MARS1: variants seen among roughly 807,000 people sequenced by gnomAD.
MARS1 encodes methionine--tRNA ligase, cytoplasmic.
Under a neutral mutation model 119.5 loss-of-function variants are expected in MARS1, and 80 were observed. The ratio of observed to expected loss-of-function variants is 0.67; its 90% CI spans 0.56 to 0.81. MARS1 has a LOEUF of 0.81. MARS1 is among the 30% of genes least tolerant of loss of function. MARS1 has a pLI of 0.00. For missense variants in MARS1, 945 were observed against 1,116.5 expected (o/e 0.85, Z 2.19); for synonymous variants, 418 against 433.4 (o/e 0.96, Z 0.44).
intron 10 of MARS1, among the ~76,000 whole-genome samples, chr12:57,501,422 T>C (rs1224671190): frequency 6.6e-6 from 1 of 152,214 alleles, no homozygotes; most frequent in Non-Finnish European, 1.5e-5. Context: ...TGGTGGCTCA[T>C]ACCTATAATC....
chr12:57,516,520 AAC>A lies in MARS1; in HGVS notation c.2644_2645del (p.Gln882ValfsTer5). 1 of 1,613,020 alleles carries A rather than the reference AAC, an allele frequency of 6.2e-7. No individual in the cohort carries two copies. Among genetic ancestry groups the A allele is most frequent in the East Asian group, 2.2e-5 (1 of 44,880 alleles). ...GTGGCGAAACTCTTGGATCTAAAGA[AAC>A]AGTTGGCTGTAGCTGAGGGGAAACC... On this transcript the variant is annotated frameshift_variant, in exon 21 of 21. Transcript: ENST00000262027. LOFTEE classifies it high-confidence loss of function.
At chr12:57,489,645 A>G (rs960340199) in intron 4 of MARS1, 87 bp downstream of exon 4, 1 of 1,544,692 alleles carries the variant, frequency 6.5e-7, no homozygotes, top group African/African-American at 1.4e-5. Flanking sequence ...TTCGAACCCA[A>G]CACTGCCACT....
At position 57,511,705 on chromosome 12, in the gene MARS1, A is replaced by G; in HGVS notation, c.1376A>G (p.Lys459Arg). 1 of 1,614,186 alleles carries G rather than the reference A, an allele frequency of 6.2e-7. No homozygotes were observed. Among genetic ancestry groups the G allele is most frequent in the South Asian group, 1.1e-5 (1 of 91,082 alleles). The change falls in exon 12 of 21, where the codon AAG (lysine) becomes AGG (arginine). Residue 459 changes from lysine (K) to arginine (R), a missense_variant. Transcript: ENST00000262027. ...CTTTCTCCGTTATCTCAGCTGGAGA[A>G]GCGACTGGAGGAGTGGTTGGGGAGG... is the stretch of plus-strand genomic sequence containing the variant. ...HLFLDLPKLE[K>R]RLEEWLGRTL...
chr12:57,504,854 C>T (rs939233298), intron 11 of MARS1, among the ~76,000 whole-genome samples: 6 of 151,974 alleles, frequency 3.9e-5, no homozygotes, highest in Admixed American at 3.3e-4. Flanking sequence ...CAGGCGTCTG[C>T]CACCATGCCC....
Position 57,489,545 on chromosome 12 carries a change from C to A in MARS1, c.401C>A (p.Pro134His). 1 of 1,614,134 alleles carries A rather than the reference C, an allele frequency of 6.2e-7. No homozygotes were observed. The highest frequency in any genetic ancestry group is 8.5e-7 in the Non-Finnish European group (1 of 1,180,018). Residue 134 changes from proline (P) to histidine (H), a missense_variant, in exon 4 of 21, where the codon CCT becomes CAT. Transcript: ENST00000262027. ...CACAGCTTGAGTCGTCAGAACTGTC[C>A]TTTCCTGGCTGGGGTGAGTTGGGTC... ...IDHSLSRQNCPFLAGETESLA... is the reference protein window; with the variant it reads ...IDHSLSRQNCHFLAGETESLA...
At chr12:57,515,816 C>A in intron 18 of MARS1, 104 bp from the exon 19 acceptor site, 1 of 849,676 alleles carries the variant, frequency 1.2e-6, no homozygotes. Context: ...TAAGCTCGTT[C>A]TTTCTAAAAC....
chr12:57,515,409 C>T, intron 18 of MARS1, 73 bp downstream of exon 18: 1 of 1,410,810 alleles, frequency 7.1e-7, no homozygotes, highest in Non-Finnish European at 9.7e-7. Context: ...TGAGAGAAGA[C>T]CTAACATCTC....
At chr12:57,500,902 T>A (rs1347195745) in intron 10 of MARS1, among the ~76,000 whole-genome samples, 1 of 152,232 alleles carries the variant, frequency 6.6e-6, no homozygotes, top group Non-Finnish European at 1.5e-5. Context: ...ATAGGCCAAT[T>A]ACAATTCTGC....
At chr12:57,513,368 C>T (rs1181605379) in intron 15 of MARS1, among the ~76,000 whole-genome samples, 1 of 152,018 alleles carries the variant, frequency 6.6e-6, no homozygotes, top group Non-Finnish European at 1.5e-5. Flanking sequence ...TTTGTAATCC[C>T]AGCACTTTGG....
chr12:57,493,815 T>TAATATAAA (rs1565641240), intron 7 of MARS1, among the ~76,000 whole-genome samples: 2 of 1,076 alleles, frequency 1.9e-3, no homozygotes, highest in Non-Finnish European at 6.0e-3. Context: ...ATAATGTATA[T>TAATATAAA]TATATATATT....
At chr12:57,509,939 T>C (rs1009593442) in intron 11 of MARS1, among the ~76,000 whole-genome samples, 2 of 152,184 alleles carry the variant, frequency 1.3e-5, no homozygotes, top group African/African-American at 4.8e-5. Context: ...AAATAACCTA[T>C]TAAAAAGAGT....
At position 57,489,606 on chromosome 12, in the gene MARS1, G is replaced by A. The variant is rs773839093; in HGVS notation, c.414+48G>A. On this transcript the variant is annotated intron_variant, in intron 4 of 20. Coordinates refer to ENST00000262027, the MANE Select transcript of MARS1 (RefSeq NM_004990.4). ...GACTGGGGAAGGCTTATGGTGTAAG[G>A]ATTAAGAGGGAAGACTGTATTCAGA... 5 of 1,610,630 alleles carry A rather than the reference G, an allele frequency of 3.1e-6. No homozygotes were observed. The South Asian group carries it at 5.5e-5, about 18-fold the overall frequency.
In MARS1 at chr12:57,516,619, G is replaced by A. The variant is rs750559974; in HGVS notation, c.*38G>A. 1.3e-6 allele frequency: 2 copies of A among 1,542,818 alleles called. No homozygotes were observed. Among genetic ancestry groups the A allele is most frequent in the Non-Finnish European group, 8.7e-7 (1 of 1,150,810 alleles). On this transcript the variant is annotated 3_prime_UTR_variant, in exon 21 of 21. Coordinates refer to ENST00000262027, the MANE Select transcript of MARS1 (RefSeq NM_004990.4). ...CATAGAAAGTCACTTTAATAGATAG[G>A]GACAGTAATAAATAAATGTACAATC...
intron 10 of MARS1, 122 bp from the exon 11 acceptor site, chr12:57,504,103 T>G: frequency 1.4e-6 from 1 of 692,910 alleles, no homozygotes; most frequent in East Asian, 2.6e-5. Flanking sequence ...GTTATTGGAG[T>G]GTGAGCCTGA....
intron 11 of MARS1, among the ~76,000 whole-genome samples, chr12:57,505,577 G>A (rs1594825986): frequency 6.6e-6 from 1 of 152,182 alleles, no homozygotes; most frequent in East Asian, 1.9e-4. Flanking sequence ...TTAGGAGGCT[G>A]AGGTGGGAGG....
In MARS1 at chr12:57,489,116, A is replaced by G. The variant is rs186139755; in HGVS notation, c.200+7A>G. 17 of 1,613,556 alleles carry G rather than the reference A, an allele frequency of 1.1e-5. No homozygotes were observed. The highest frequency in any genetic ancestry group is 1.4e-5 in the Non-Finnish European group (16 of 1,179,724). On this transcript the variant is annotated splice_region_variant and intron_variant, in intron 2 of 20. Transcript: ENST00000262027. ...CCACTAGTGCAATCTGCCGGTCAGTATTGGTCCTTGGTGTAGGGAGGTGGC... is the reference window on the plus strand; with the variant it reads ...CCACTAGTGCAATCTGCCGGTCAGTGTTGGTCCTTGGTGTAGGGAGGTGGC...
chr12:57,493,974 T>A (rs1261162606), intron 7 of MARS1, among the ~76,000 whole-genome samples: 1 of 118,300 alleles, frequency 8.5e-6, no homozygotes, highest in African/African-American at 3.3e-5. Context: ...TTTTTTTTTT[T>A]AGACAGAGTT....
chr12:57,492,900 G>A (rs1030992306), intron 7 of MARS1, among the ~76,000 whole-genome samples: 1 of 152,170 alleles, frequency 6.6e-6, no homozygotes, highest in South Asian at 2.1e-4. Context: ...GGGCACATGG[G>A]TCAAAATGAG....
intron 15 of MARS1, among the ~76,000 whole-genome samples, chr12:57,514,466 A>G (rs902385700): frequency 3.3e-5 from 5 of 152,124 alleles, no homozygotes; most frequent in Non-Finnish European, 7.4e-5. Context: ...CGGCCGAGTA[A>G]TGACTTCTTA....
Sources: allele counts gnomAD v4.1 joint callset (sites outside exome capture counted in the v4.1 genomes callset), GRCh38; gene constraint gnomAD v4.1.1; transcripts MANE v1.5; gene names NCBI Gene and HGNC (gene_info 2026-07-23, HGNC 2026-07-21).